The following ANKRD31 variants were observed in gnomAD, a reference collection of about 807,000 sequenced individuals.
ANKRD31 encodes the protein ankyrin repeat domain-containing protein 31.
In ANKRD31, 147 loss-of-function variants were observed where a neutral mutation model predicts 186.0. That is an observed-to-expected ratio of 0.79 (90% CI 0.69 to 0.91). ANKRD31 has a LOEUF of 0.91. Among genes scored for constraint, ANKRD31 ranks in the 40% least tolerant of loss-of-function variants. ANKRD31 has a pLI of 0.00. For synonymous variants in ANKRD31, 673 were observed against 736.4 expected (o/e 0.91, Z 1.39); for missense variants, 1,986 against 2,148.8 (o/e 0.92, Z 1.50).
At chr5:75,069,718 G>T (rs71627081) in intron 25 of ANKRD31, among the ~76,000 whole-genome samples, 15,029 of 151,852 alleles carry the variant, frequency 0.099, 1,029 homozygotes, top group East Asian at 0.24. Context: ...GCTAATTTTT[G>T]TATCTTTAGT....
chr5:75,172,346 A>G lies in ANKRD31; in HGVS notation c.1565-3225T>C, dbSNP rs959991560. Among the ~76,000 whole-genome samples the G allele has an allele frequency of 4.1e-5, 6 of 146,398 alleles. 1 individual carries two copies. The highest frequency in any genetic ancestry group is 6.9e-3 in the Middle Eastern group (2 of 290). On this transcript the variant is annotated intron_variant, in intron 10 of 25. Transcript: ENST00000506364. ...AGATGTATGAAAAGTACATGAGAAA[A>G]GCTAGCATAAACTCTATTTAAAAAA...
At chr5:75,182,978 AC>A in intron 10 of ANKRD31, among the ~76,000 whole-genome samples, 2 of 152,210 alleles carry the variant, frequency 1.3e-5, no homozygotes, top group East Asian at 3.9e-4. Flanking sequence ...AATCCCCAAT[AC>A]CCCTGATGAA....
chr5:75,159,177 C>A (rs963973666), intron 11 of ANKRD31, among the ~76,000 whole-genome samples: 1 of 151,870 alleles, frequency 6.6e-6, no homozygotes, highest in Non-Finnish European at 1.5e-5. Context: ...AAAGATTACA[C>A]AATCAGAAGA....
intron 11 of ANKRD31, among the ~76,000 whole-genome samples, chr5:75,157,501 G>A (rs1357848975): frequency 6.6e-6 from 1 of 152,194 alleles, no homozygotes; most frequent in African/African-American, 2.4e-5. Context: ...CATCAAGATT[G>A]GAAAAGATGG....
chr5:75,210,994 AC>A, intron 3 of ANKRD31, 129 bp from the exon 4 acceptor site: 1 of 614,302 alleles, frequency 1.6e-6, no homozygotes, highest in Non-Finnish European at 2.7e-6. Flanking sequence ...GGTAAAATAC[AC>A]ATAAAATTTA....
intron 17 of ANKRD31, among the ~76,000 whole-genome samples, chr5:75,137,427 A>G (rs1262245852): frequency 6.6e-6 from 1 of 152,140 alleles, no homozygotes. Context: ...CAAAAGAGAA[A>G]AAGATGCAAC....
Position 75,235,306 on chromosome 5 carries a change from A to G in ANKRD31, c.104+1277T>C, listed in dbSNP as rs1758198639. ...TGTCGCCCAGGCTGGAGTGCAGTGG[A>G]GTCATTTTGGCTCATAGCAACCTCT... is the stretch of plus-strand genomic sequence containing the variant. On this transcript the variant is annotated intron_variant, in intron 1 of 25. Transcript: ENST00000506364. Among the ~76,000 whole-genome samples the G allele has an allele frequency of 2.3e-5, 3 of 129,718 alleles. 1 individual carries two copies. The South Asian group carries it at 7.3e-4, about 32-fold the overall frequency. 85.1% of individuals were successfully genotyped at this position (129,718 alleles called of 152,430 possible). A position where few individuals can be genotyped will look rare whatever the true frequency, so the allele number is the denominator to read the frequency against.
intron 20 of ANKRD31, among the ~76,000 whole-genome samples, chr5:75,108,201 A>C (rs1052317195): frequency 3.3e-5 from 5 of 151,616 alleles, no homozygotes; most frequent in Admixed American, 1.3e-4. Flanking sequence ...ATATGCACTT[A>C]AAAAATAGAA....
chr5:75,204,950 G>A (rs756883309), intron 5 of ANKRD31, among the ~76,000 whole-genome samples: 1 of 152,220 alleles, frequency 6.6e-6, no homozygotes, highest in Non-Finnish European at 1.5e-5. Context: ...CATGGCTCAT[G>A]CAGCCTGAAC....
At chr5:75,093,833 C>T (rs1746119493) in intron 22 of ANKRD31, among the ~76,000 whole-genome samples, 1 of 152,000 alleles carries the variant, frequency 6.6e-6, no homozygotes, top group South Asian at 2.1e-4. Flanking sequence ...AAGACATTCC[C>T]AGATAAACAA....
At chr5:75,078,274 T>C (rs1174479822) in intron 25 of ANKRD31, among the ~76,000 whole-genome samples, 1 of 152,228 alleles carries the variant, frequency 6.6e-6, no homozygotes, top group Admixed American at 6.5e-5. Flanking sequence ...CACCTGTGGA[T>C]GTTTGTGTTC....
chr5:75,082,545 G>T (rs1305262252), intron 24 of ANKRD31, among the ~76,000 whole-genome samples: 2 of 152,158 alleles, frequency 1.3e-5, no homozygotes, highest in Non-Finnish European at 2.9e-5. Flanking sequence ...AAAATCTGCT[G>T]CTCACTGGTG....
chr5:75,127,514 A>G (rs11950665), intron 17 of ANKRD31, among the ~76,000 whole-genome samples: 79,557 of 152,034 alleles, frequency 0.52, 24,669 homozygotes, highest in African/African-American at 0.88. Context: ...TGCTAGTAAC[A>G]TACTGTCTTG....
chr5:75,156,107 G>A (rs538874498), intron 11 of ANKRD31, among the ~76,000 whole-genome samples: 1 of 152,204 alleles, frequency 6.6e-6, no homozygotes, highest in East Asian at 1.9e-4. Flanking sequence ...GTTTCGCCTT[G>A]TTGGCCAGGC....
At chr5:75,115,120 T>G (rs199903884) in intron 19 of ANKRD31, among the ~76,000 whole-genome samples, 31,993 of 150,746 alleles carry the variant, frequency 0.21, 3,567 homozygotes, top group South Asian at 0.39. Flanking sequence ...TACAACTATC[T>G]GATCTTTGAC....
chr5:75,099,505 G>A (rs1746635391), intron 22 of ANKRD31, among the ~76,000 whole-genome samples: 1 of 152,216 alleles, frequency 6.6e-6, no homozygotes, highest in Non-Finnish European at 1.5e-5. Context: ...CAGAAGGAAT[G>A]ATACCAGCTC....
Position 75,224,157 on chromosome 5 carries a change from A to G in ANKRD31, c.179-1799T>C, listed in dbSNP as rs920889984. Among the ~76,000 whole-genome samples the G allele has an allele frequency of 7.1e-4, 35 of 49,550 alleles. 1 individual carries two copies. The East Asian group carries it at 9.8e-3, about 14-fold the overall frequency. 32.5% of individuals were successfully genotyped at this position (49,550 alleles called of 152,430 possible). On this transcript the variant is annotated intron_variant, in intron 2 of 25. Transcript: ENST00000506364. ...TATATATATATATATATATATATAT[A>G]TATGTATATATATATATATATACAC...
At chr5:75,099,100 A>C (rs529990788) in intron 22 of ANKRD31, among the ~76,000 whole-genome samples, 1 of 152,166 alleles carries the variant, frequency 6.6e-6, no homozygotes, top group Non-Finnish European at 1.5e-5. Flanking sequence ...TTTGAGATAC[A>C]TCCCATCGAT....
chr5:75,105,575 T>C (rs1162061765), intron 21 of ANKRD31, among the ~76,000 whole-genome samples: 1 of 152,112 alleles, frequency 6.6e-6, no homozygotes, highest in African/African-American at 2.4e-5. Context: ...TATTTAGTCG[T>C]TGGTTGGAAG....
Sources: gnomAD v4.1 joint callset for allele counts (sites outside exome capture counted in the v4.1 genomes callset) on GRCh38, gnomAD v4.1.1 for gene constraint, MANE v1.5 for transcripts, NCBI Gene and HGNC (gene_info 2026-07-23, HGNC 2026-07-21) for gene names.